The following DAO variants were observed in gnomAD, a reference collection of about 807,000 sequenced individuals.
The protein encoded by DAO is D-amino-acid oxidase.
In DAO, 51 loss-of-function variants were observed where a neutral mutation model predicts 50.1. That is an observed-to-expected ratio of 1.02 (90% CI 0.81 to 1.29). DAO has a LOEUF of 1.29. Among genes scored for constraint, DAO ranks in the 50% most tolerant of loss-of-function variants. The probability of loss-of-function intolerance (pLI) is 0.00; values close to 1 mark genes in which losing one functional copy is unlikely to be tolerated. For synonymous variants in DAO, 160 were observed against 166.2 expected, an observed-to-expected ratio of 0.96 and a Z score of 0.29; for missense variants, 436 against 439.4, an observed-to-expected ratio of 0.99 and a Z score of 0.07.
In DAO at chr12:108,900,773, CTGTCAT is replaced by C. The variant is rs2039614599; in HGVS notation, c.*240_*245del. On this transcript the variant is annotated 3_prime_UTR_variant, in exon 11 of 11. Transcript: ENST00000228476. The stretch of plus-strand genomic sequence containing the variant: ...CTGGCATTATAAAGAACAGCTGAGG[CTGTCAT>C]TCCATGAGTCTTCAGAAGAAAGGAC... The C allele has an allele frequency of 2.2e-6, 1 of 456,700 alleles. No homozygotes were observed. The highest frequency in any genetic ancestry group is 2.0e-5 in the African/African-American group (1 of 50,204). The allele number at this position is 456,700 out of a possible 1,614,324, so 28.3% of individuals were successfully genotyped here.
At chr12:108,890,393 C>A (rs755246486) in intron 5 of DAO, 120 bp downstream of exon 5, 59 of 768,554 alleles carry the variant, frequency 7.7e-5, no homozygotes, top group South Asian at 1.6e-4. Flanking sequence ...TACCCTTAGG[C>A]CTGGTGTGGG....
chr12:108,884,936 TG>T, intron 1 of DAO, 61 bp from the exon 2 acceptor site: 3 of 1,511,834 alleles, frequency 2.0e-6, no homozygotes, highest in Non-Finnish European at 2.8e-6. Flanking sequence ...ATGGTGGCAA[TG>T]GCGCTAAGGA....
rs111347906 is a variant in DAO, at chr12:108,897,018, T to G, written c.625T>G (p.Trp209Gly). The change falls in exon 8 of 11, where the codon TGG becomes GGG. Residue 209 changes from tryptophan to glycine, a missense_variant. Physicochemically the swap from Trp to Gly is radical, Grantham distance 184. Transcript: ENST00000228476. ...RGQIMKVDAP[W>G]MKHFILTHDP... Reference sequence around the variant, plus strand: ...CCTGAATCAACAGGTGGACGCCCCTTGGATGAAGCACTTCATTCTCACCCA... The same window carrying G: ...CCTGAATCAACAGGTGGACGCCCCTGGGATGAAGCACTTCATTCTCACCCA... 1 of 1,613,890 alleles carries G rather than the reference T, an allele frequency of 6.2e-7. No homozygotes were observed. The highest frequency in any genetic ancestry group is 8.5e-7 in the Non-Finnish European group (1 of 1,179,806).
intron 7 of DAO, among the ~76,000 whole-genome samples, chr12:108,895,611 TGTGA>T (rs1187860580): frequency 1.3e-5 from 2 of 148,476 alleles, no homozygotes; most frequent in South Asian, 2.1e-4. Context: ...GGTGTGTGTG[TGTGA>T]GAGTATGTAT....
At position 108,895,333 on chromosome 12, in the gene DAO, A is replaced by G. The variant is rs573068626; in HGVS notation, c.612+966A>G. ...TGTGCATGTGTGAGGGTGTGTGTGC[A>G]TGTGTGAGGGTGTGTGTGCATGTGT... On this transcript the variant is annotated intron_variant, in intron 7 of 10. Transcript: ENST00000228476. Among the ~76,000 whole-genome samples the G allele has an allele frequency of 3.3e-5, 4 of 121,332 alleles. 1 individual carries two copies. The highest frequency in any genetic ancestry group is 1.4e-4 in the African/African-American group (4 of 27,860). 79.6% of individuals were successfully genotyped at this position (121,332 alleles called of 152,430 possible).
intron 1 of DAO, among the ~76,000 whole-genome samples, chr12:108,881,374 C>T (rs796476348): frequency 4.0e-5 from 6 of 151,774 alleles, no homozygotes; most frequent in African/African-American, 1.2e-4. Flanking sequence ...AGCTCATTAC[C>T]TACACGCATG....
In DAO at chr12:108,894,304, G is replaced by A. The variant is rs1294813096; in HGVS notation, c.549G>A (p.Gly183=). The A allele has an allele frequency of 1.9e-6, 3 of 1,614,004 alleles. No individual in the cohort carries two copies. Among genetic ancestry groups the A allele is most frequent in the Admixed American group, 1.7e-5 (1 of 59,998 alleles). Residue 183 remains glycine, a synonymous_variant, in exon 7 of 11, where the codon GGG becomes GGA. Transcript: ENST00000228476. ...CAGACGTGATTGTCAACTGCACTGG[G>A]GTATGGGCTGGGGCGCTACAACGAG... ...EGADVIVNCT[G]VWAGALQRDP... is the part of the protein sequence containing the mutation.
At position 108,900,529 on chromosome 12, in the gene DAO, C is replaced by T. The variant is rs2039611651; in HGVS notation, c.1038C>T (p.His346=). ...AATTGTCCAGAATGCCACCATCCCA[C>T]CTCTGAAGACTCCAGTGACTGCTGC... ...EKKLSRMPPS[H]L Residue 346 remains histidine, a synonymous_variant, in exon 11 of 11, where the codon CAC becomes CAT. Coordinates refer to ENST00000228476, the MANE Select transcript of DAO (RefSeq NM_001917.5). The T allele has an allele frequency of 3.7e-6, 6 of 1,614,042 alleles. No individual in the cohort carries two copies. Among genetic ancestry groups the T allele is most frequent in the Middle Eastern group, 3.3e-4 (2 of 6,062 alleles).
chr12:108,895,414 T>A (rs1284964678), intron 7 of DAO, among the ~76,000 whole-genome samples: 4 of 145,302 alleles, frequency 2.8e-5, no homozygotes, highest in African/African-American at 7.7e-5. Flanking sequence ...TGTGTGTGCA[T>A]GTGTGTGAGG....
Position 108,894,480 on chromosome 12 carries a change from C to T in DAO, c.612+113C>T, listed in dbSNP as rs201916428. 1.5e-4 allele frequency: 134 copies of T among 890,940 alleles called. 1 individual carries two copies. In the East Asian group the frequency reaches 2.3e-3, roughly 16 times the overall value. 55.2% of individuals were successfully genotyped at this position (890,940 alleles called of 1,614,324 possible). A position where few individuals can be genotyped will look rare whatever the true frequency, so the allele number is the denominator to read the frequency against. On this transcript the variant is annotated intron_variant, in intron 7 of 10. Coordinates refer to ENST00000228476, the MANE Select transcript of DAO (RefSeq NM_001917.5). ...AGGAACATCTGTTAGAGGAACCCCC[C>T]GGACTGCAGGGAATTGACATGTAAA...
Position 108,893,045 on chromosome 12 carries a change from C to G in DAO, c.507+9C>G. ...TGGAGTCTTTTGAGGAGGTGAGTTG[C>G]AGGGCTGATGCGGTGGATGGGGCAG... On this transcript the variant is annotated intron_variant, in intron 6 of 10. Transcript: ENST00000228476. The G allele has an allele frequency of 6.2e-7, 1 of 1,612,728 alleles. No individual in the cohort carries two copies. Among genetic ancestry groups the G allele is most frequent in the East Asian group, 2.2e-5 (1 of 44,860 alleles).
intron 7 of DAO, among the ~76,000 whole-genome samples, chr12:108,895,994 A>C (rs1271678322): frequency 6.6e-6 from 1 of 151,612 alleles, no homozygotes; most frequent in Non-Finnish European, 1.5e-5. Context: ...TCCTTTTTCC[A>C]AAGAGGTTCT....
At chr12:108,900,278 C>G in intron 10 of DAO, 126 bp from the exon 11 acceptor site, 1 of 1,228,276 alleles carries the variant, frequency 8.1e-7, no homozygotes, top group South Asian at 1.2e-5. Context: ...AAGAGAAGCT[C>G]AGGTGGCATC....
chr12:108,880,658 G>T (rs1439111799), intron 1 of DAO, among the ~76,000 whole-genome samples: 3 of 148,496 alleles, frequency 2.0e-5, no homozygotes, highest in African/African-American at 7.9e-5. Flanking sequence ...TAGCCGTGTG[G>T]TGCAACCAGG....
At chr12:108,881,600 A>AT (rs2039380884) in intron 1 of DAO, among the ~76,000 whole-genome samples, 1 of 104,018 alleles carries the variant, frequency 9.6e-6, no homozygotes, top group Non-Finnish European at 1.8e-5. Context: ...TTTCCTTTTA[A>AT]ATTTTTTTTT....
intron 10 of DAO, chr12:108,899,797 A>G: frequency 2.4e-6 from 1 of 411,264 alleles, no homozygotes. Context: ...TGTTAGTACC[A>G]CAGCAGAGGT....
intron 6 of DAO, among the ~76,000 whole-genome samples, chr12:108,893,717 TGA>T: frequency 6.6e-6 from 1 of 152,118 alleles, no homozygotes; most frequent in East Asian, 1.9e-4. Context: ...TTACTCGTGG[TGA>T]GAGTCACTGG....
At chr12:108,897,992 T>C (rs1404383593) in intron 8 of DAO, among the ~76,000 whole-genome samples, 1 of 150,172 alleles carries the variant, frequency 6.7e-6, no homozygotes, top group Non-Finnish European at 1.5e-5. Context: ...GGAGTGGGAA[T>C]GGGAATGGTG....
chr12:108,900,274 AGCTC>A, intron 10 of DAO, 126 bp from the exon 11 acceptor site: 1 of 1,177,944 alleles, frequency 8.5e-7, no homozygotes, highest in Non-Finnish European at 1.2e-6. Flanking sequence ...TGCCAAGAGA[AGCTC>A]AGGTGGCATC....
Sources: allele counts gnomAD v4.1 joint callset (sites outside exome capture counted in the v4.1 genomes callset), GRCh38; gene constraint gnomAD v4.1.1; transcripts MANE v1.5; gene names NCBI Gene and HGNC (gene_info 2026-07-23, HGNC 2026-07-21).